The following SECTM1 variants were observed in gnomAD, a reference collection of about 807,000 sequenced individuals.
SECTM1 encodes secreted and transmembrane protein 1.
SECTM1 carries 10 observed loss-of-function variants against 18.1 expected under a neutral mutation model. That is an observed-to-expected ratio of 0.55 (90% CI 0.34 to 0.94). SECTM1 has a LOEUF of 0.94. Ranked by LOEUF, SECTM1 falls within the 40% of genes least tolerant of loss-of-function variation. The pLI is 0.02. For synonymous variants in SECTM1, 137 were observed against 139.2 expected, an observed-to-expected ratio of 0.98 and a Z score of 0.11; for missense variants, 297 against 322.6, an observed-to-expected ratio of 0.92 and a Z score of 0.61.
In SECTM1 at chr17:82,325,063, A is replaced by T. The variant is rs1381120392; in HGVS notation, c.95-173T>A. On this transcript the variant is annotated intron_variant, in intron 2 of 4. Transcript: ENST00000269389. The surrounding 1 kb of genome is among the most constrained non-coding windows in gnomAD (Gnocchi z 7.6). ...ACATATATCTCGTGTGGGAAGAATA[A>T]AATAGCAACAAAAAAGACGGGTGGC... 9.2e-5 allele frequency among the ~76,000 whole-genome samples: 14 copies of T among 152,118 alleles called. No homozygotes were observed. Among genetic ancestry groups the T allele is most frequent in the Admixed American group, 9.2e-4 (14 of 15,272 alleles).
At position 82,322,297 on chromosome 17, in the gene SECTM1, C is replaced by G; in HGVS notation, c.611G>C (p.Arg204Thr). The change falls in exon 5 of 5, where the codon AGA becomes ACA. Residue 204 changes from arginine to threonine, a missense_variant. Transcript: ENST00000269389. ...LRAGAQQGLS[R>T]ASAELWTPDS... ...TGGGGTCCACAGTTCAGCGGAGGCT[C>G]TGCTCAGGCCCTGCTGGGCTCCCGC... 1 of 1,612,916 alleles carries G rather than the reference C, an allele frequency of 6.2e-7. No individual in the cohort carries two copies. The highest frequency in any genetic ancestry group is 1.7e-4 in the Middle Eastern group (1 of 6,056).
rs1429631508 is a variant in SECTM1, at chr17:82,326,342, G to A, written c.94+805C>T. Among the ~76,000 whole-genome samples the A allele has an allele frequency of 6.6e-6, 1 of 152,216 alleles. No individual in the cohort carries two copies. ...TCGGGTGGCTCAGTGGCTCACGCCT[G>A]TAATCCCAGCACTTTGGGAGGCCGA... On this transcript the variant is annotated intron_variant, in intron 2 of 4. Transcript: ENST00000269389. This position sits in a 1 kb window ranked among gnomAD's most constrained non-coding sequence, Gnocchi z 4.3.
At position 82,322,414 on chromosome 17, in the gene SECTM1, C is replaced by T. The variant is rs375640695; in HGVS notation, c.538-44G>A. The T allele has an allele frequency of 3.3e-5, 52 of 1,579,444 alleles. 1 individual carries two copies. In the Middle Eastern group the frequency reaches 7.0e-4, roughly 21 times the overall value. ...GGTGCCTGTGTGAGCCGCGCGCCCC[C>T]GTGCCCACAGCTCTGCCCTGGGGCG... is the stretch of plus-strand genomic sequence containing the variant. On this transcript the variant is annotated intron_variant, in intron 4 of 4. Coordinates refer to ENST00000269389, the MANE Select transcript of SECTM1 (RefSeq NM_003004.3).
In SECTM1 at chr17:82,327,297, A is replaced by C. The variant is rs910538709; in HGVS notation, c.-52-5T>G. 1.5e-5 allele frequency: 22 copies of C among 1,476,756 alleles called. No homozygotes were observed. The highest frequency in any genetic ancestry group is 2.0e-5 in the Non-Finnish European group (22 of 1,079,238). The allele number at this position is 1,476,756 out of a possible 1,614,324, so 91.5% of individuals were successfully genotyped here. On this transcript the variant is annotated splice_polypyrimidine_tract_variant and splice_region_variant and intron_variant, in intron 1 of 4. Transcript: ENST00000269389. Reference sequence around the variant, plus strand: ...CACTGGCTCTTGAAACACTCCCTGGAGGAAGGAAAGCCCATGGGTCAGAGC... The same window carrying C: ...CACTGGCTCTTGAAACACTCCCTGGCGGAAGGAAAGCCCATGGGTCAGAGC...
chr17:82,322,196 G>T lies in SECTM1; in HGVS notation c.712C>A (p.Pro238Thr). 6.2e-7 allele frequency: 1 copy of T among 1,613,678 alleles called. No homozygotes were observed. Residue 238 changes from proline to threonine, a missense_variant, in exon 5 of 5, where the codon CCC becomes ACC. Pro to Thr is a conservative substitution (Grantham distance 38). Transcript: ENST00000269389. ...SPLGALELLS[P>T]QPLFPYAADP ...GCGGCATATGGAAACAAGGGTTGGG[G>T]GGACAGCAGCTCCAGGGCTCCAAGT...
rs1194425918 is a variant in SECTM1 at position 82,326,554 on chromosome 17, G to A, written c.94+593C>T. 2.0e-5 allele frequency among the ~76,000 whole-genome samples: 3 copies of A among 152,052 alleles called. No individual in the cohort carries two copies. Among genetic ancestry groups the A allele is most frequent in the Non-Finnish European group, 4.4e-5 (3 of 67,998 alleles). On this transcript the variant is annotated intron_variant, in intron 2 of 4. Coordinates refer to ENST00000269389, the MANE Select transcript of SECTM1 (RefSeq NM_003004.3). This position sits in a 1 kb window ranked among gnomAD's most constrained non-coding sequence, Gnocchi z 4.3. ...GTCGAGGCTGCGGTGAGCTGTGATTGTACCACTGCACTCCAGCCTGGGCGT... is the reference window on the plus strand; with the variant it reads ...GTCGAGGCTGCGGTGAGCTGTGATTATACCACTGCACTCCAGCCTGGGCGT...
intron 3 of SECTM1, 51 bp downstream of exon 3, chr17:82,324,531 C>A: frequency 1.9e-6 from 2 of 1,031,498 alleles, no homozygotes; most frequent in South Asian, 1.8e-5. Flanking sequence ...CCTCCCCTCC[C>A]CGTGTCCCCT....
At chr17:82,324,956 G>T (rs1181912911) in intron 2 of SECTM1, 66 bp from the exon 3 acceptor site, 2 of 1,507,730 alleles carry the variant, frequency 1.3e-6, no homozygotes, top group Non-Finnish European at 9.0e-7. Flanking sequence ...TGGCTGCTGT[G>T]CCCAGGGCCA....
chr17:82,327,137 C>T lies in SECTM1; in HGVS notation c.94+10G>A, dbSNP rs375301373. On this transcript the variant is annotated intron_variant, in intron 2 of 4. Coordinates refer to ENST00000269389, the MANE Select transcript of SECTM1 (RefSeq NM_003004.3). ...TTTCCCCAGCAGAGAGGCGGGGCCC[C>T]GAGACCTACCTTCATTCTGAGCACT... The T allele has an allele frequency of 1.4e-5, 23 of 1,594,796 alleles. 1 individual carries two copies. The highest frequency in any genetic ancestry group is 5.6e-5 in the South Asian group (5 of 88,968).
chr17:82,325,102 A>G lies in SECTM1; in HGVS notation c.95-212T>C, dbSNP rs183729044. 8.9e-3 allele frequency among the ~76,000 whole-genome samples: 1,354 copies of G among 151,720 alleles called. 13 individuals carry two copies. The highest frequency in any genetic ancestry group is 0.016 in the Non-Finnish European group (1,051 of 67,800). On this transcript the variant is annotated intron_variant, in intron 2 of 4. Coordinates refer to ENST00000269389, the MANE Select transcript of SECTM1 (RefSeq NM_003004.3). This position sits in a 1 kb window ranked among gnomAD's most constrained non-coding sequence, Gnocchi z 7.6. Reference sequence around the variant, plus strand: ...AAGACGGGTGGCTCTGTGTGTGTGTATGTGTGTGTGTGTGCGTGCTCACAC... The same window carrying G: ...AAGACGGGTGGCTCTGTGTGTGTGTGTGTGTGTGTGTGTGCGTGCTCACAC...
chr17:82,331,194 C>T (rs1452197468), intron 1 of SECTM1, among the ~76,000 whole-genome samples: 1 of 152,014 alleles, frequency 6.6e-6, no homozygotes, highest in Non-Finnish European at 1.5e-5. Flanking sequence ...ATGAGTCAGC[C>T]GTGGAGGGGA....
rs1439174252 is a variant in SECTM1 at position 82,324,741 on chromosome 17, C to T, written c.244G>A (p.Ala82Thr). The T allele has an allele frequency of 1.9e-6, 3 of 1,614,156 alleles. No homozygotes were observed. The highest frequency in any genetic ancestry group is 2.2e-5 in the East Asian group (1 of 44,876). The change falls in exon 3 of 5, where the codon GCT (alanine) becomes ACT (threonine). Residue 82 changes from alanine (A) to threonine (T), a missense_variant. Coordinates refer to ENST00000269389, the MANE Select transcript of SECTM1 (RefSeq NM_003004.3). ...GQESAIFNEV[A>T]PGYFSRDGWQ... is the part of the protein sequence containing the mutation. ...CCGTCCCGGGAGAAGTAGCCTGGAGCCACCTCATTGAAGATGGCGCTCTCC... is the reference window on the plus strand; with the variant it reads ...CCGTCCCGGGAGAAGTAGCCTGGAGTCACCTCATTGAAGATGGCGCTCTCC...
Position 82,324,715 on chromosome 17 carries a change from G to A in SECTM1, c.270C>T (p.Gly90=), listed in dbSNP as rs1000765462. The A allele has an allele frequency of 1.2e-6, 2 of 1,614,200 alleles. No individual in the cohort carries two copies. Among genetic ancestry groups the A allele is most frequent in the Non-Finnish European group, 1.7e-6 (2 of 1,180,032 alleles). The change falls in exon 3 of 5, where the codon GGC becomes GGT. Residue 90 remains glycine, a synonymous_variant. Transcript: ENST00000269389. The part of the protein sequence containing the change: ...EVAPGYFSRD[G]WQLQVQGGVA... ...CGCCTCCCTGAACCTGGAGCTGCCA[G>A]CCGTCCCGGGAGAAGTAGCCTGGAG...
At chr17:82,324,050 G>A (rs1015216357) in intron 3 of SECTM1, among the ~76,000 whole-genome samples, 2 of 152,044 alleles carry the variant, frequency 1.3e-5, no homozygotes, top group African/African-American at 2.4e-5. Flanking sequence ...GGTGCTGCGC[G>A]GGCGACCTTG....
At chr17:82,323,057 C>A (rs1308483765) in intron 3 of SECTM1, 46 bp from the exon 4 acceptor site, 8 of 1,570,776 alleles carry the variant, frequency 5.1e-6, no homozygotes, top group Non-Finnish European at 6.9e-6. Flanking sequence ...GGGCATCCCC[C>A]ACCCCCTACC....
chr17:82,321,929 G>A lies in SECTM1; in HGVS notation c.*232C>T, dbSNP rs997724833. 1.8e-6 allele frequency: 1 copy of A among 554,006 alleles called. No individual in the cohort carries two copies. Among genetic ancestry groups the A allele is most frequent in the Non-Finnish European group, 3.2e-6 (1 of 310,350 alleles). The allele number at this position is 554,006 out of a possible 1,614,324, so 34.3% of individuals were successfully genotyped here. On this transcript the variant is annotated 3_prime_UTR_variant, in exon 5 of 5. Coordinates refer to ENST00000269389, the MANE Select transcript of SECTM1 (RefSeq NM_003004.3). ...AGGGGCATGCGTCCTGGTAAGTCGG[G>A]TGCTGCGGAGGTGAGGTGGTTCCAT... is the stretch of plus-strand genomic sequence containing the variant.
rs953488930 is a variant in SECTM1 at position 82,321,799 on chromosome 17, C to T, written c.*362G>A. 1.6e-5 allele frequency: 4 copies of T among 244,008 alleles called. No individual in the cohort carries two copies. The highest frequency in any genetic ancestry group is 3.3e-5 in the Non-Finnish European group (4 of 122,500). 15.1% of individuals were successfully genotyped at this position (244,008 alleles called of 1,614,324 possible). On this transcript the variant is annotated 3_prime_UTR_variant, in exon 5 of 5. Coordinates refer to ENST00000269389, the MANE Select transcript of SECTM1 (RefSeq NM_003004.3). ...TCCGGCAGGGGCCCCCTCACTTGGG[C>T]GCGGAGCCCTGGGAGTGGAGAGAGC...
rs562087615 is a variant in SECTM1 at position 82,325,026 on chromosome 17, G to A, written c.95-136C>T. 9.5e-6 allele frequency: 7 copies of A among 733,532 alleles called. No homozygotes were observed. Among genetic ancestry groups the A allele is most frequent in the East Asian group, 8.2e-5 (3 of 36,800 alleles). The allele number at this position is 733,532 out of a possible 1,614,324, so 45.4% of individuals were successfully genotyped here. On this transcript the variant is annotated intron_variant, in intron 2 of 4. Coordinates refer to ENST00000269389, the MANE Select transcript of SECTM1 (RefSeq NM_003004.3). The surrounding 1 kb of genome is among the most constrained non-coding windows in gnomAD (Gnocchi z 7.6). ...CAGTGAACTATGTATACATCCACCC[G>A]ACCCAATCAGCACATATATCTCGTG...
chr17:82,327,355 G>T, intron 1 of SECTM1, 63 bp from the exon 2 acceptor site: 1 of 947,244 alleles, frequency 1.1e-6, no homozygotes, highest in Non-Finnish European at 1.6e-6. Context: ...CAGCGGGAGC[G>T]GCTGTCACCT....
Sources: allele counts gnomAD v4.1 joint callset (sites outside exome capture counted in the v4.1 genomes callset), GRCh38; gene constraint gnomAD v4.1.1; non-coding constraint Gnocchi (gnomAD v3.1); transcripts MANE v1.5; gene names NCBI Gene and HGNC (gene_info 2026-07-23, HGNC 2026-07-21).